Variants in FMN1 observed in about 807,000 individuals in gnomAD.
FMN1 encodes formin 1, also known as formin-1.
FMN1 carries 110 observed loss-of-function variants against 132.4 expected under a neutral mutation model. The observed-to-expected ratio is 0.83, with a 90% CI of 0.71 to 0.97. The LOEUF (loss-of-function observed/expected upper bound fraction) is 0.97. Among genes scored for constraint, FMN1 ranks in the 50% least tolerant of loss-of-function variants. The pLI is 0.00. For synonymous variants in FMN1, 722 were observed against 651.7 expected (o/e 1.11, Z -1.64); for missense variants, 1,792 against 1,705.3 (o/e 1.05, Z -0.90).
chr15:33,124,788 T>C (rs1962892241), intron 4 of FMN1, among the ~76,000 whole-genome samples: 1 of 152,058 alleles, frequency 6.6e-6, no homozygotes, highest in Non-Finnish European at 1.5e-5. Context: ...GGATTTTGTT[T>C]TCTTTTTTGC....
At chr15:33,016,739 C>T (rs971446917) in intron 6 of FMN1, among the ~76,000 whole-genome samples, 1 of 152,184 alleles carries the variant, frequency 6.6e-6, no homozygotes, top group Non-Finnish European at 1.5e-5. Context: ...TGATTGACTC[C>T]TGACAGTTTT....
At chr15:32,876,119 T>C (rs2059630837) in intron 16 of FMN1, among the ~76,000 whole-genome samples, 1 of 152,244 alleles carries the variant, frequency 6.6e-6, no homozygotes, top group South Asian at 2.1e-4. Context: ...AAATTAATGC[T>C]ATTTTCCAGT....
chr15:33,123,286 G>C (rs919664379), intron 4 of FMN1, among the ~76,000 whole-genome samples: 8 of 151,676 alleles, frequency 5.3e-5, no homozygotes, highest in African/African-American at 1.9e-4. Flanking sequence ...TCAAAACTGG[G>C]GTCATGTCAC....
At chr15:32,914,177 C>CA (rs1298271395) in intron 10 of FMN1, among the ~76,000 whole-genome samples, 2 of 152,062 alleles carry the variant, frequency 1.3e-5, no homozygotes, top group East Asian at 1.9e-4. Flanking sequence ...TTTCCTTATT[C>CA]AAAAAAGTTT....
At chr15:33,110,670 GATTAA>G (rs1566924404) in intron 4 of FMN1, among the ~76,000 whole-genome samples, 2 of 144,134 alleles carry the variant, frequency 1.4e-5, no homozygotes, top group Non-Finnish European at 3.0e-5. Flanking sequence ...ATTATATTCA[GATTAA>G]ATTTATATAA....
chr15:33,014,578 TGTA>T (rs979052200), intron 6 of FMN1, among the ~76,000 whole-genome samples: 3 of 152,084 alleles, frequency 2.0e-5, no homozygotes, highest in Admixed American at 2.0e-4. Context: ...AAAACAATAA[TGTA>T]GTCCATGAAA....
chr15:32,788,558 A>G (rs2056958196), intron 19 of FMN1, among the ~76,000 whole-genome samples: 1 of 152,302 alleles, frequency 6.6e-6, no homozygotes, highest in South Asian at 2.1e-4. Flanking sequence ...GTCTGGAGTA[A>G]GGAGTCTCTC....
intron 9 of FMN1, 48 bp downstream of exon 9, chr15:32,964,059 T>C (rs2030929810): frequency 9.5e-7 from 1 of 1,051,968 alleles, no homozygotes; most frequent in Non-Finnish European, 1.4e-6. Context: ...ATATATACCA[T>C]TTCCCTGTAT....
At chr15:33,135,219 T>C (rs1963712001) in intron 4 of FMN1, among the ~76,000 whole-genome samples, 1 of 152,208 alleles carries the variant, frequency 6.6e-6, no homozygotes, top group Admixed American at 6.5e-5. Flanking sequence ...TATACAACTA[T>C]TTGAGGATCT....
At chr15:32,882,347 C>T (rs8030367) in intron 16 of FMN1, among the ~76,000 whole-genome samples, 43,721 of 152,034 alleles carry the variant, frequency 0.29, 6,907 homozygotes, top group African/African-American at 0.42. Context: ...TGTAACAACA[C>T]AGGTAATAAC....
chr15:33,150,506 A>C, intron 4 of FMN1: 3 of 985,478 alleles, frequency 3.0e-6, no homozygotes, highest in Non-Finnish European at 3.6e-6. Context: ...TGAGAAGTTA[A>C]GAAATTACAA....
rs2060302601 is a variant in FMN1, at chr15:32,901,777, C to T, written c.3507+134G>A. ...TACACACACACACGGGCAAGATAAT[C>T]ATCAAATTTACACTTAGAAAAACAT... On this transcript the variant is annotated intron_variant, in intron 13 of 20. Coordinates refer to ENST00000616417, the MANE Select transcript of FMN1 (RefSeq NM_001277313.2). 6.5e-6 allele frequency: 4 copies of T among 612,752 alleles called. No homozygotes were observed. The South Asian group carries it at 1.7e-4, about 25-fold the overall frequency. 38.0% of individuals were successfully genotyped at this position (612,752 alleles called of 1,614,324 possible). A position where few individuals can be genotyped will look rare whatever the true frequency, so the allele number is the denominator to read the frequency against.
chr15:32,933,147 G>A (rs1280879852), intron 9 of FMN1, among the ~76,000 whole-genome samples: 1 of 152,004 alleles, frequency 6.6e-6, no homozygotes, highest in Non-Finnish European at 1.5e-5. Flanking sequence ...TGCTTTTATT[G>A]CATCCCATAT....
At chr15:32,864,912 A>G (rs987400957) in intron 16 of FMN1, among the ~76,000 whole-genome samples, 3 of 152,250 alleles carry the variant, frequency 2.0e-5, no homozygotes, top group East Asian at 1.9e-4. Context: ...ACAGAATGAA[A>G]TATTTGGCCA....
intron 4 of FMN1, among the ~76,000 whole-genome samples, chr15:33,121,554 T>C (rs891361050): frequency 1.3e-5 from 2 of 152,162 alleles, no homozygotes; most frequent in African/African-American, 4.8e-5. Context: ...GTTTTTTAGA[T>C]AGTCTTGCTC....
chr15:33,022,224 T>G (rs575629655), intron 6 of FMN1, among the ~76,000 whole-genome samples: 1 of 152,346 alleles, frequency 6.6e-6, no homozygotes, highest in South Asian at 2.1e-4. Context: ...TCCCAAATGT[T>G]TCCAATCTGA....
chr15:33,174,834 C>A (rs1965459396), intron 3 of FMN1, among the ~76,000 whole-genome samples: 1 of 152,228 alleles, frequency 6.6e-6, no homozygotes, highest in Non-Finnish European at 1.5e-5. Context: ...AATCAGAAAT[C>A]TTTCCGCATT....
intron 17 of FMN1, among the ~76,000 whole-genome samples, chr15:32,807,147 A>C (rs928234280): frequency 1.3e-5 from 2 of 152,252 alleles, no homozygotes; most frequent in African/African-American, 4.8e-5. Context: ...AAAAAACTTT[A>C]TATTTAGAAT....
intron 6 of FMN1, among the ~76,000 whole-genome samples, chr15:33,029,289 G>T (rs1240321224): frequency 6.6e-6 from 1 of 152,034 alleles, no homozygotes; most frequent in Non-Finnish European, 1.5e-5. Context: ...TGGCTGTTCA[G>T]CAGAGCACAG....
Sources: allele counts gnomAD v4.1 joint callset (sites outside exome capture counted in the v4.1 genomes callset), GRCh38; gene constraint gnomAD v4.1.1; transcripts MANE v1.5; gene names NCBI Gene and HGNC (gene_info 2026-07-23, HGNC 2026-07-21).